The following ENOX1 variants were observed in gnomAD, a reference collection of about 807,000 sequenced individuals.
ENOX1 encodes the protein ecto-NOX disulfide-thiol exchanger 1, also known as candidate growth-related and time keeping constitutive hydroquinone (NADH) oxidase.
ENOX1 carries 42 observed loss-of-function variants against 82.5 expected under a neutral mutation model. The observed-to-expected ratio is 0.51, with a 90% CI of 0.40 to 0.66. The LOEUF is 0.66. Ranked by LOEUF, ENOX1 falls within the 30% of genes least tolerant of loss-of-function variation. The probability of loss-of-function intolerance (pLI) is 0.00; values close to 1 mark genes in which losing one functional copy is unlikely to be tolerated. For missense variants in ENOX1, 608 were observed against 811.6 expected, an observed-to-expected ratio of 0.75 and a Z score of 3.05; for synonymous variants, 271 against 282.2, an observed-to-expected ratio of 0.96 and a Z score of 0.40.
chr13:43,749,788 C>A (rs547182175), intron 1 of ENOX1, among the ~76,000 whole-genome samples: 1 of 152,234 alleles, frequency 6.6e-6, no homozygotes, highest in Admixed American at 6.5e-5. Context: ...TTAGTCATCA[C>A]AGCAAAACTA....
chr13:43,232,352 A>G (rs1384338574), intron 15 of ENOX1, among the ~76,000 whole-genome samples: 1 of 152,090 alleles, frequency 6.6e-6, no homozygotes, highest in Non-Finnish European at 1.5e-5. Context: ...TGATATGGAC[A>G]TTTGTGCCTT....
intron 3 of ENOX1, among the ~76,000 whole-genome samples, chr13:43,467,259 C>T (rs181891933): frequency 1.4e-3 from 208 of 152,300 alleles, no homozygotes; most frequent in African/African-American, 4.7e-3. Flanking sequence ...TTTACCACAT[C>T]TCTGTCAACA....
chr13:43,634,737 G>T (rs2083348902), intron 2 of ENOX1, among the ~76,000 whole-genome samples: 1 of 152,136 alleles, frequency 6.6e-6, no homozygotes, highest in Admixed American at 6.5e-5. Flanking sequence ...TGTCATCATG[G>T]GTATGTAAGT....
At position 43,754,414 on chromosome 13, in the gene ENOX1, C is replaced by G. The variant is rs575377859; in HGVS notation, c.-285+32238G>C. On this transcript the variant is annotated intron_variant, in intron 1 of 16. Transcript: ENST00000690772. ...GTGGTGTGATCTCGGCTCACTGCAACCCCCACCTCCTGGGTTCAAGCAATT... is the reference window on the plus strand; with the variant it reads ...GTGGTGTGATCTCGGCTCACTGCAAGCCCCACCTCCTGGGTTCAAGCAATT... 5.5e-4 allele frequency among the ~76,000 whole-genome samples: 82 copies of G among 148,956 alleles called. 1 individual carries two copies. Among genetic ancestry groups the G allele is most frequent in the African/African-American group, 2.0e-3 (81 of 40,348 alleles).
At chr13:43,614,416 C>A (rs1180163966) in intron 2 of ENOX1, among the ~76,000 whole-genome samples, 2 of 152,048 alleles carry the variant, frequency 1.3e-5, no homozygotes, top group Admixed American at 6.6e-5. Flanking sequence ...CTCTGAGGCT[C>A]TTTTTCTAAG....
chr13:43,407,250 C>A (rs748313329), intron 5 of ENOX1, among the ~76,000 whole-genome samples: 1 of 152,058 alleles, frequency 6.6e-6, no homozygotes, highest in Non-Finnish European at 1.5e-5. Flanking sequence ...CAACACCTGA[C>A]CCAAATTTTG....
chr13:43,299,991 A>G (rs2046485328), intron 11 of ENOX1, among the ~76,000 whole-genome samples: 1 of 152,164 alleles, frequency 6.6e-6, no homozygotes, highest in Admixed American at 6.5e-5. Context: ...TCTCTCCTCA[A>G]ATATCAAATG....
intron 2 of ENOX1, among the ~76,000 whole-genome samples, chr13:43,639,794 C>T (rs919612276): frequency 2.0e-5 from 3 of 152,064 alleles, no homozygotes; most frequent in Admixed American, 1.3e-4. Context: ...TTTGGGAGGC[C>T]GAGGCTGGTG....
intron 2 of ENOX1, among the ~76,000 whole-genome samples, chr13:43,613,498 A>G (rs1458627300): frequency 6.6e-6 from 1 of 151,958 alleles, no homozygotes; most frequent in African/African-American, 2.4e-5. Flanking sequence ...AAGGACACTA[A>G]GAGTTGTTTA....
intron 14 of ENOX1, among the ~76,000 whole-genome samples, chr13:43,247,881 A>G (rs1276051419): frequency 7.5e-5 from 1 of 13,314 alleles, no homozygotes; most frequent in South Asian, 6.5e-3. Context: ...ATATATATAT[A>G]TATTTTTTTT....
intron 9 of ENOX1, among the ~76,000 whole-genome samples, chr13:43,340,633 G>T (rs2048996173): frequency 2.0e-5 from 3 of 152,226 alleles, no homozygotes; most frequent in Admixed American, 2.0e-4. Context: ...ATTTGGTAAA[G>T]TGTGGCAATT....
In ENOX1 at chr13:43,471,886, T is replaced by C. The variant is rs185584183; in HGVS notation, c.-75+12123A>G. 1.2e-3 allele frequency among the ~76,000 whole-genome samples: 187 copies of C among 151,086 alleles called. 1 individual carries two copies. Among genetic ancestry groups the C allele is most frequent in the African/African-American group, 4.4e-3 (180 of 41,108 alleles). On this transcript the variant is annotated intron_variant, in intron 3 of 16. Coordinates refer to ENST00000690772, the MANE Select transcript of ENOX1 (RefSeq NM_001347969.2). The stretch of plus-strand genomic sequence containing the variant: ...CATGAATGATGAATGGACAGAGGGA[T>C]AGAATGATGCACAGTGGTGGGTATA...
At chr13:43,579,645 G>A (rs919749023) in intron 2 of ENOX1, among the ~76,000 whole-genome samples, 1 of 152,196 alleles carries the variant, frequency 6.6e-6, no homozygotes, top group African/African-American at 2.4e-5. Flanking sequence ...ATGGGAAATG[G>A]AGCACAGGCA....
intron 14 of ENOX1, among the ~76,000 whole-genome samples, chr13:43,240,787 G>C (rs1346924212): frequency 6.6e-6 from 1 of 152,252 alleles, no homozygotes; most frequent in Non-Finnish European, 1.5e-5. Context: ...GAACTTAGAA[G>C]CAAGGCTCTG....
intron 3 of ENOX1, among the ~76,000 whole-genome samples, chr13:43,479,946 T>A (rs9316029): frequency 4.1e-4 from 62 of 151,928 alleles, no homozygotes; most frequent in African/African-American, 5.5e-4. Flanking sequence ...TTTATTTTTT[T>A]TTTTTTGAGA....
At chr13:43,554,372 T>C (rs1012154176) in intron 2 of ENOX1, among the ~76,000 whole-genome samples, 6 of 152,242 alleles carry the variant, frequency 3.9e-5, no homozygotes, top group African/African-American at 1.2e-4. Flanking sequence ...TGCTGCCCTT[T>C]ATGTAAATGC....
intron 2 of ENOX1, among the ~76,000 whole-genome samples, chr13:43,540,595 G>A (rs1224411895): frequency 6.6e-6 from 1 of 152,196 alleles, no homozygotes; most frequent in Non-Finnish European, 1.5e-5. Context: ...GAATGGTAAA[G>A]ATGCCAGTGT....
chr13:43,278,626 G>T, intron 12 of ENOX1, among the ~76,000 whole-genome samples: 1 of 152,094 alleles, frequency 6.6e-6, no homozygotes, highest in Non-Finnish European at 1.5e-5. Flanking sequence ...AAAACTAAAA[G>T]ACAAATCAAG....
At chr13:43,340,702 G>T (rs2048999036) in intron 9 of ENOX1, among the ~76,000 whole-genome samples, 1 of 152,176 alleles carries the variant, frequency 6.6e-6, no homozygotes, top group Non-Finnish European at 1.5e-5. Context: ...ATGCATGCAA[G>T]TTGAAACCTT....
Sources: gnomAD v4.1 joint callset for allele counts (sites outside exome capture counted in the v4.1 genomes callset) on GRCh38, gnomAD v4.1.1 for gene constraint, MANE v1.5 for transcripts, NCBI Gene and HGNC (gene_info 2026-07-23, HGNC 2026-07-21) for gene names.